Variants in TESK2 observed in about 807,000 individuals in gnomAD.
The protein encoded by TESK2 is testis associated actin remodelling kinase 2.
Under a neutral mutation model 57.1 loss-of-function variants are expected in TESK2, and 39 were observed. That is an observed-to-expected ratio of 0.68 (90% CI 0.53 to 0.89). The LOEUF is 0.89. TESK2 is among the 40% of genes least tolerant of loss of function. The pLI is 0.00. For synonymous variants in TESK2, 249 were observed against 267.9 expected (o/e 0.93, Z 0.69); for missense variants, 646 against 732.1 (o/e 0.88, Z 1.36).
intron 2 of TESK2, among the ~76,000 whole-genome samples, chr1:45,450,818 G>A (rs1651842120): frequency 6.6e-6 from 1 of 150,480 alleles, no homozygotes; most frequent in African/African-American, 2.4e-5. Flanking sequence ...GGGTACATGT[G>A]CACAACGTGC....
At position 45,344,743 on chromosome 1, in the gene TESK2, C is replaced by CTG; in HGVS notation, c.*95_*96dup. ...CCTGGCTTGGCCTAGCCTGCCTGCTCTGTAGGCTCCAGGGAAGAATCAAGG... is the reference window on the plus strand; with the variant it reads ...CCTGGCTTGGCCTAGCCTGCCTGCTCTGTGTAGGCTCCAGGGAAGAATCAAGG... On this transcript the variant is annotated 3_prime_UTR_variant, in exon 11 of 11. Transcript: ENST00000372086. 1 of 1,235,300 alleles carries CTG rather than the reference C, an allele frequency of 8.1e-7. No homozygotes were observed. The highest frequency in any genetic ancestry group is 1.1e-6 in the Non-Finnish European group (1 of 883,924). 76.5% of individuals were successfully genotyped at this position (1,235,300 alleles called of 1,614,324 possible). A position where few individuals can be genotyped will look rare whatever the true frequency, so the allele number is the denominator to read the frequency against.
At chr1:45,413,780 T>C in intron 3 of TESK2, 1 of 454,694 alleles carries the variant, frequency 2.2e-6, no homozygotes, top group African/African-American at 2.0e-5. Flanking sequence ...AGAAGGCACA[T>C]CTGTGTAATC....
intron 3 of TESK2, among the ~76,000 whole-genome samples, chr1:45,399,835 G>A (rs899235325): frequency 6.6e-6 from 1 of 152,136 alleles, no homozygotes; most frequent in Non-Finnish European, 1.5e-5. Flanking sequence ...GTAATGAGCC[G>A]CATTATCCGT....
intron 3 of TESK2, among the ~76,000 whole-genome samples, chr1:45,390,957 G>A (rs1340653618): frequency 4.1e-5 from 6 of 147,306 alleles, no homozygotes; most frequent in South Asian, 2.2e-4. Flanking sequence ...CTCACTCTGC[G>A]CCCAGGCTGG....
At chr1:45,354,855 C>T (rs576443711) in intron 5 of TESK2, among the ~76,000 whole-genome samples, 3 of 127,822 alleles carry the variant, frequency 2.3e-5, no homozygotes, top group Admixed American at 8.0e-5. Context: ...TATATGTTGG[C>T]TCACTCAGCA....
At chr1:45,369,391 G>A (rs1648085227) in intron 4 of TESK2, among the ~76,000 whole-genome samples, 1 of 152,006 alleles carries the variant, frequency 6.6e-6, no homozygotes. Context: ...ATCCCAGGAG[G>A]CTGAGGCAGG....
intron 6 of TESK2, 106 bp from the exon 7 acceptor site, chr1:45,347,799 A>T: frequency 2.1e-6 from 3 of 1,456,484 alleles, no homozygotes; most frequent in Non-Finnish European, 2.9e-6. Context: ...GGACTAAACA[A>T]ATTTAGGGAG....
At chr1:45,475,581 T>C (rs1313833651) in intron 1 of TESK2, among the ~76,000 whole-genome samples, 1 of 152,176 alleles carries the variant, frequency 6.6e-6, no homozygotes, top group Non-Finnish European at 1.5e-5. Flanking sequence ...ACAAGAATAT[T>C]AAAGTATAAA....
rs77831899 is a variant in TESK2 at position 45,371,189 on chromosome 1, A to G, written c.393+14723T>C. On this transcript the variant is annotated intron_variant, in intron 4 of 10. Coordinates refer to ENST00000372086, the MANE Select transcript of TESK2 (RefSeq NM_007170.3). ...ATGGTGCAACTGCTACAGAAAAAAA[A>G]TATGGCAGTTCCTCAAAAAGTTAAA... is the stretch of plus-strand genomic sequence containing the variant. Among the ~76,000 whole-genome samples, 95 of 152,304 alleles carry G rather than the reference A, an allele frequency of 6.2e-4. No homozygotes were observed. In the East Asian group the frequency reaches 0.014, roughly 22 times the overall value.
chr1:45,431,605 T>A (rs1334144499), intron 2 of TESK2, among the ~76,000 whole-genome samples: 1 of 152,046 alleles, frequency 6.6e-6, no homozygotes, highest in Non-Finnish European at 1.5e-5. Context: ...TTCAAAAAAA[T>A]TTTCCAAAAT....
chr1:45,462,952 T>C lies in TESK2; in HGVS notation c.-86-5081A>G, dbSNP rs543736589. On this transcript the variant is annotated intron_variant, in intron 1 of 10. Transcript: ENST00000372086. ...ATTTTAAGGGTGAGATGATAACTCA[T>C]TGTAGTTTTGATGTGCATTTCTCTG... Among the ~76,000 whole-genome samples the C allele has an allele frequency of 2.6e-5, 4 of 152,312 alleles. No homozygotes were observed. The South Asian group carries it at 6.2e-4, about 24-fold the overall frequency.
intron 3 of TESK2, among the ~76,000 whole-genome samples, chr1:45,390,454 ACT>A: frequency 6.6e-6 from 1 of 151,470 alleles, no homozygotes; most frequent in Middle Eastern, 3.4e-3. Context: ...ACAGAGCGAG[ACT>A]CTGTCTAAAA....
intron 9 of TESK2, 65 bp downstream of exon 9, chr1:45,346,628 G>T: frequency 1.4e-6 from 2 of 1,405,174 alleles, no homozygotes; most frequent in Non-Finnish European, 9.9e-7. Context: ...TCTCTGTACA[G>T]TCCTAACCAG....
At chr1:45,370,996 A>T (rs1225588743) in intron 4 of TESK2, among the ~76,000 whole-genome samples, 1 of 152,198 alleles carries the variant, frequency 6.6e-6, no homozygotes, top group Non-Finnish European at 1.5e-5. Flanking sequence ...ATCAACTGGG[A>T]AAGGACAGTC....
At chr1:45,384,428 T>C (rs923160878) in intron 4 of TESK2, among the ~76,000 whole-genome samples, 4 of 151,114 alleles carry the variant, frequency 2.6e-5, no homozygotes, top group Non-Finnish European at 4.4e-5. Flanking sequence ...TCTATCTATC[T>C]ATGTATCTAG....
rs186392487 is a variant in TESK2, at chr1:45,347,915, C to T, written c.623+3G>A. 2,981 of 1,610,346 alleles carry T rather than the reference C, an allele frequency of 1.9e-3. 18 individuals carry two copies. Among genetic ancestry groups the T allele is most frequent in the South Asian group, 6.8e-3 (619 of 90,998 alleles). On this transcript the variant is annotated splice_donor_region_variant and intron_variant, in intron 6 of 10. Coordinates refer to ENST00000372086, the MANE Select transcript of TESK2 (RefSeq NM_007170.3). ...GACCCCAGCATCCAGTAGGGCTACA[C>T]ACCTGACATCGGGGATCTTCTCAGC... is the stretch of plus-strand genomic sequence containing the variant.
At chr1:45,459,906 T>C (rs956556670) in intron 1 of TESK2, among the ~76,000 whole-genome samples, 12 of 152,182 alleles carry the variant, frequency 7.9e-5, no homozygotes, top group Non-Finnish European at 1.2e-4. Context: ...ATCATGTCCT[T>C]TGCAGCAACA....
intron 2 of TESK2, among the ~76,000 whole-genome samples, chr1:45,429,384 C>A (rs1410831886): frequency 6.6e-6 from 1 of 151,646 alleles, no homozygotes; most frequent in Non-Finnish European, 1.5e-5. Flanking sequence ...TGACAGAGCG[C>A]AACTCCATCT....
intron 1 of TESK2, among the ~76,000 whole-genome samples, chr1:45,468,996 A>G (rs766308295): frequency 6.6e-6 from 1 of 152,182 alleles, no homozygotes; most frequent in African/African-American, 2.4e-5. Flanking sequence ...TTTAGTAACT[A>G]TGTTCTCAAC....
Sources: gnomAD v4.1 joint callset for allele counts (sites outside exome capture counted in the v4.1 genomes callset) on GRCh38, gnomAD v4.1.1 for gene constraint, MANE v1.5 for transcripts, NCBI Gene and HGNC (gene_info 2026-07-23, HGNC 2026-07-21) for gene names.